MAPKAP1: variants seen among roughly 807,000 people sequenced by gnomAD.
The protein encoded by MAPKAP1 is target of rapamycin complex 2 subunit MAPKAP1.
A neutral mutation model predicts 65.7 loss-of-function variants in MAPKAP1; 20 were observed. That is an observed-to-expected ratio of 0.30 (90% confidence interval 0.21 to 0.44). MAPKAP1 has a LOEUF of 0.44. Among genes scored for constraint, MAPKAP1 ranks in the 20% least tolerant of loss-of-function variants. MAPKAP1 has a pLI of 1.00. For missense variants in MAPKAP1, 423 were observed against 648.0 expected (o/e 0.65, Z 3.77); for synonymous variants, 222 against 244.3 (o/e 0.91, Z 0.85).
chr9:125,560,866 A>G (rs1268487920), intron 5 of MAPKAP1, among the ~76,000 whole-genome samples: 2 of 152,200 alleles, frequency 1.3e-5, no homozygotes, highest in Non-Finnish European at 2.9e-5. Flanking sequence ...CCCAGTTTAG[A>G]ATCAACACAT....
intron 4 of MAPKAP1, among the ~76,000 whole-genome samples, chr9:125,591,026 G>A (rs1043485113): frequency 6.6e-6 from 1 of 152,048 alleles, no homozygotes; most frequent in Non-Finnish European, 1.5e-5. Flanking sequence ...CGCCCACCTC[G>A]GCCTCCCAAA....
chr9:125,521,757 C>T (rs778392298), intron 7 of MAPKAP1: 50 of 1,612,594 alleles, frequency 3.1e-5, no homozygotes, highest in Non-Finnish European at 4.0e-5. Context: ...TGAATTTAGT[C>T]ACAAGCACCT....
chr9:125,594,003 C>T (rs1395004135), intron 4 of MAPKAP1, among the ~76,000 whole-genome samples: 6 of 152,214 alleles, frequency 3.9e-5, no homozygotes, highest in Admixed American at 6.5e-5. Context: ...TACTCTGTCA[C>T]GCAAGCTAGG....
intron 4 of MAPKAP1, among the ~76,000 whole-genome samples, chr9:125,612,445 T>TG (rs1036554985): frequency 6.6e-6 from 1 of 152,158 alleles, no homozygotes; most frequent in African/African-American, 2.4e-5. Flanking sequence ...AGCTCTTTAA[T>TG]GGGGGGCGGC....
chr9:125,546,317 C>G (rs1830422959), intron 6 of MAPKAP1, among the ~76,000 whole-genome samples: 1 of 152,194 alleles, frequency 6.6e-6, no homozygotes, highest in African/African-American at 2.4e-5. Context: ...TTCCTCAGGT[C>G]AGTCCCACGC....
intron 5 of MAPKAP1, among the ~76,000 whole-genome samples, chr9:125,583,149 G>A (rs1327842787): frequency 1.3e-5 from 2 of 152,182 alleles, no homozygotes; most frequent in East Asian, 1.9e-4. Context: ...CTATTATTAT[G>A]TATTTGGAGC....
intron 9 of MAPKAP1, among the ~76,000 whole-genome samples, chr9:125,472,240 G>A (rs1051534787): frequency 2.6e-5 from 4 of 152,190 alleles, no homozygotes; most frequent in Non-Finnish European, 4.4e-5. Context: ...CATCTAAGTG[G>A]AACAGCCACT....
chr9:125,469,535 C>T (rs1853818754), intron 9 of MAPKAP1, among the ~76,000 whole-genome samples: 1 of 152,222 alleles, frequency 6.6e-6, no homozygotes, highest in South Asian at 2.1e-4. Flanking sequence ...AGAATGTGTG[C>T]AGACAGACTA....
chr9:125,540,448 T>A (rs769192730), intron 7 of MAPKAP1, among the ~76,000 whole-genome samples: 3 of 152,258 alleles, frequency 2.0e-5, no homozygotes, highest in Non-Finnish European at 4.4e-5. Flanking sequence ...AATCTTGTTG[T>A]AGCACAACTA....
intron 7 of MAPKAP1, among the ~76,000 whole-genome samples, chr9:125,533,096 T>A (rs1261102787): frequency 6.6e-6 from 1 of 152,178 alleles, no homozygotes; most frequent in Admixed American, 6.5e-5. Context: ...TGTGTGTATG[T>A]GTACGCATAC....
At chr9:125,702,561 C>A (rs1447628854) in intron 1 of MAPKAP1, among the ~76,000 whole-genome samples, 1 of 148,336 alleles carries the variant, frequency 6.7e-6, no homozygotes, top group African/African-American at 2.5e-5. Flanking sequence ...CAACAACTAG[C>A]TAGTACATGG....
At chr9:125,491,151 A>AG (rs1225857110) in intron 8 of MAPKAP1, among the ~76,000 whole-genome samples, 1 of 150,232 alleles carries the variant, frequency 6.7e-6, no homozygotes, top group Non-Finnish European at 1.5e-5. Context: ...AAAAAAAAAA[A>AG]AAAAAATTTA....
chr9:125,553,190 G>A (rs996808962), intron 6 of MAPKAP1, among the ~76,000 whole-genome samples: 41 of 152,126 alleles, frequency 2.7e-4, no homozygotes, highest in African/African-American at 9.4e-4. Flanking sequence ...ACTGCCTAGA[G>A]GAGAAATACC....
At chr9:125,556,700 G>A (rs144097203) in intron 6 of MAPKAP1, among the ~76,000 whole-genome samples, 12 of 152,280 alleles carry the variant, frequency 7.9e-5, no homozygotes, top group Admixed American at 3.9e-4. Context: ...GAGTAGTTAC[G>A]GCTTTATTTA....
intron 10 of MAPKAP1, among the ~76,000 whole-genome samples, chr9:125,455,964 G>A (rs1410181054): frequency 6.6e-6 from 1 of 152,042 alleles, no homozygotes; most frequent in Non-Finnish European, 1.5e-5. Context: ...TTTTTTGATT[G>A]CCTGAAATGT....
intron 4 of MAPKAP1, among the ~76,000 whole-genome samples, chr9:125,604,754 C>T (rs569388137): frequency 1.3e-5 from 2 of 152,204 alleles, no homozygotes; most frequent in Non-Finnish European, 2.9e-5. Flanking sequence ...CTTGTGTGTA[C>T]TGAAAATCAA....
Position 125,693,846 on chromosome 9 carries a change from TACAC to T in MAPKAP1, c.-70+13121_-70+13124del, listed in dbSNP as rs1554844769. On this transcript the variant is annotated intron_variant, in intron 1 of 11. Transcript: ENST00000265960. ...ACACACACACATATATATACACACA[TACAC>T]ACACACACACACACACACACACATA... Among the ~76,000 whole-genome samples, 86 of 135,546 alleles carry T rather than the reference TACAC, an allele frequency of 6.3e-4. 2 individuals carry two copies. The East Asian group carries it at 6.7e-3, about 11-fold the overall frequency. 88.9% of individuals were successfully genotyped at this position (135,546 alleles called of 152,430 possible). A position where few individuals can be genotyped will look rare whatever the true frequency, so the allele number is the denominator to read the frequency against.
At chr9:125,684,913 A>T (rs1019816392) in intron 1 of MAPKAP1, among the ~76,000 whole-genome samples, 1 of 152,156 alleles carries the variant, frequency 6.6e-6, no homozygotes, top group African/African-American at 2.4e-5. Flanking sequence ...GATTCCAGCG[A>T]TCCTCCCCAT....
chr9:125,525,510 C>T (rs951351891), intron 7 of MAPKAP1, among the ~76,000 whole-genome samples: 10 of 151,648 alleles, frequency 6.6e-5, no homozygotes, highest in African/African-American at 1.7e-4. Flanking sequence ...TCCTTCTCTA[C>T]TAAAAATACA....
Sources: allele counts gnomAD v4.1 joint callset (sites outside exome capture counted in the v4.1 genomes callset), GRCh38; gene constraint gnomAD v4.1.1; transcripts MANE v1.5; gene names NCBI Gene and HGNC (gene_info 2026-07-23, HGNC 2026-07-21).